The following PRKN variants were observed in gnomAD, a reference collection of about 807,000 sequenced individuals.
The protein encoded by PRKN is parkin RBR E3 ubiquitin protein ligase.
In PRKN, 56 loss-of-function variants were observed where a neutral mutation model predicts 59.5. The observed-to-expected ratio is 0.94, with a 90% CI of 0.76 to 1.18. The LOEUF (loss-of-function observed/expected upper bound fraction) is 1.18, where lower values mean the gene tolerates loss of function less well. Ranked by LOEUF, PRKN falls within the 50% of genes most tolerant of loss-of-function variation. The pLI is 0.00. For synonymous variants in PRKN, 250 were observed against 222.1 expected, an observed-to-expected ratio of 1.13 and a Z score of -1.12; for missense variants, 657 against 596.4, an observed-to-expected ratio of 1.10 and a Z score of -1.06.
chr6:161,863,295 A>C (rs1303069083), intron 6 of PRKN, among the ~76,000 whole-genome samples: 1 of 151,940 alleles, frequency 6.6e-6, no homozygotes, highest in Non-Finnish European at 1.5e-5. Flanking sequence ...TGACTTTGTA[A>C]AAAAGGAAAA....
At chr6:162,237,712 T>C (rs191255104) in intron 3 of PRKN, among the ~76,000 whole-genome samples, 2 of 151,852 alleles carry the variant, frequency 1.3e-5, no homozygotes, top group African/African-American at 4.8e-5. Flanking sequence ...AAAAAGGCAG[T>C]GGGTTTAGGG....
At chr6:161,730,543 T>C (rs1300974966) in intron 7 of PRKN, among the ~76,000 whole-genome samples, 1 of 151,288 alleles carries the variant, frequency 6.6e-6, no homozygotes, top group African/African-American at 2.5e-5. Flanking sequence ...TTCTGATGTG[T>C]TGCATTCTGA....
At chr6:161,585,624 C>T (rs551893353) in intron 7 of PRKN, among the ~76,000 whole-genome samples, 3 of 152,252 alleles carry the variant, frequency 2.0e-5, no homozygotes, top group African/African-American at 7.2e-5. Flanking sequence ...AATTTCTTGT[C>T]CCTGGAGTGG....
At chr6:161,737,607 T>C (rs1441563661) in intron 7 of PRKN, among the ~76,000 whole-genome samples, 1 of 152,202 alleles carries the variant, frequency 6.6e-6, no homozygotes, top group Non-Finnish European at 1.5e-5. Context: ...CCCTTTGAAG[T>C]AGGCTCTGTT....
At chr6:162,500,073 A>AAAGGTGGG (rs1793288185) in intron 1 of PRKN, among the ~76,000 whole-genome samples, 1 of 152,040 alleles carries the variant, frequency 6.6e-6, no homozygotes, top group Non-Finnish European at 1.5e-5. Flanking sequence ...TCATATTAGC[A>AAAGGTGGG]AAGGTGGGTT....
intron 2 of PRKN, among the ~76,000 whole-genome samples, chr6:162,371,111 A>G (rs1785739932): frequency 6.6e-6 from 1 of 152,200 alleles, no homozygotes; most frequent in South Asian, 2.1e-4. Context: ...GGGCAAGATA[A>G]TTATTTGGTA....
chr6:161,981,266 T>C (rs1319835473), intron 5 of PRKN, among the ~76,000 whole-genome samples: 2 of 152,230 alleles, frequency 1.3e-5, no homozygotes, highest in South Asian at 2.1e-4. Flanking sequence ...CAGGCTAGAA[T>C]AGTTCCTCGT....
intron 2 of PRKN, among the ~76,000 whole-genome samples, chr6:162,296,114 G>A (rs1781662585): frequency 6.6e-6 from 1 of 152,088 alleles, no homozygotes; most frequent in Non-Finnish European, 1.5e-5. Flanking sequence ...GAACAAGGAG[G>A]GGAGAGGGAC....
At chr6:161,957,408 T>C (rs1021835929) in intron 6 of PRKN, among the ~76,000 whole-genome samples, 3 of 130,846 alleles carry the variant, frequency 2.3e-5, no homozygotes, top group African/African-American at 3.3e-5. Context: ...TTGTTCTTGT[T>C]GTTTTTTTTT....
At chr6:162,661,060 A>C (rs912170720) in intron 1 of PRKN, among the ~76,000 whole-genome samples, 62 of 152,094 alleles carry the variant, frequency 4.1e-4, no homozygotes, top group Non-Finnish European at 7.4e-5. Flanking sequence ...TCAGGAGTTC[A>C]AGATAAGCCT....
At chr6:161,886,532 A>C (rs756777582) in intron 6 of PRKN, among the ~76,000 whole-genome samples, 3 of 152,062 alleles carry the variant, frequency 2.0e-5, no homozygotes, top group Non-Finnish European at 4.4e-5. Context: ...CCCCGTCTCT[A>C]CTAACAATAC....
At chr6:161,908,266 G>T (rs1043787879) in intron 6 of PRKN, among the ~76,000 whole-genome samples, 1 of 152,160 alleles carries the variant, frequency 6.6e-6, no homozygotes, top group African/African-American at 2.4e-5. Flanking sequence ...GTACATGGAC[G>T]ATACCTAGAG....
At chr6:162,023,500 C>T (rs758282665) in intron 5 of PRKN, among the ~76,000 whole-genome samples, 1 of 152,112 alleles carries the variant, frequency 6.6e-6, no homozygotes, top group Non-Finnish European at 1.5e-5. Flanking sequence ...CAGCCAAACT[C>T]CACGTGGTTC....
intron 1 of PRKN, among the ~76,000 whole-genome samples, chr6:162,450,727 C>G (rs73606345): frequency 0.026 from 3,925 of 152,202 alleles, 179 homozygotes; most frequent in African/African-American, 0.088. Context: ...TCATCCAAAA[C>G]AAGAACAGTC....
intron 9 of PRKN, among the ~76,000 whole-genome samples, chr6:161,494,547 ATC>A (rs2115280770): frequency 6.6e-6 from 1 of 152,306 alleles, no homozygotes; most frequent in South Asian, 2.1e-4. Flanking sequence ...AAGATTTCAA[ATC>A]TGTTTGTGCA....
At position 161,737,674 on chromosome 6, in the gene PRKN, G is replaced by A. The variant is rs571680752; in HGVS notation, c.871+48098C>T. On this transcript the variant is annotated intron_variant, in intron 7 of 11. Coordinates refer to ENST00000366898, the MANE Select transcript of PRKN (RefSeq NM_004562.3). ...AGCCCAGCAAGATTACAGAGCTACT[G>A]AGTGGCAGGGCCTTGGACTGTAAAG... 2.6e-5 allele frequency among the ~76,000 whole-genome samples: 4 copies of A among 152,292 alleles called. No homozygotes were observed. In the South Asian group the frequency reaches 8.3e-4, roughly 32 times the overall value.
chr6:161,360,455 C>A lies in PRKN; in HGVS notation c.1168-250G>T, dbSNP rs1306113203. ...GTTTTGTAGTGTGAGCTCCTCTATT[C>A]TGTTGTTTTGCATAATTGTAATAAA... is the stretch of plus-strand genomic sequence containing the variant. On this transcript the variant is annotated intron_variant, in intron 10 of 11. Transcript: ENST00000366898. This position sits in a 1 kb window ranked among gnomAD's most constrained non-coding sequence, Gnocchi z 5.1. 6.6e-6 allele frequency among the ~76,000 whole-genome samples: 1 copy of A among 152,222 alleles called. No individual in the cohort carries two copies. Among genetic ancestry groups the A allele is most frequent in the African/African-American group, 2.4e-5 (1 of 41,448 alleles).
rs560505549 is a variant in PRKN, at chr6:161,591,315, G to A, written c.872-21899C>T. Among the ~76,000 whole-genome samples, 19 of 151,976 alleles carry A rather than the reference G, an allele frequency of 1.3e-4. No homozygotes were observed. In the South Asian group the frequency reaches 4.0e-3, roughly 32 times the overall value. On this transcript the variant is annotated intron_variant, in intron 7 of 11. Transcript: ENST00000366898. Reference sequence around the variant, plus strand: ...GTTCAAAGAAAAAGACATTTCCTTTGGTAAAAAAAAGTCACTCAGTATCAC... The same window carrying A: ...GTTCAAAGAAAAAGACATTTCCTTTAGTAAAAAAAAGTCACTCAGTATCAC...
chr6:162,479,724 A>G (rs903826172), intron 1 of PRKN, among the ~76,000 whole-genome samples: 2 of 150,792 alleles, frequency 1.3e-5, no homozygotes, highest in East Asian at 3.9e-4. Flanking sequence ...ACACCTGCTG[A>G]AGGACCTGCC....
Sources: allele counts gnomAD v4.1 joint callset (sites outside exome capture counted in the v4.1 genomes callset), GRCh38; gene constraint gnomAD v4.1.1; non-coding constraint Gnocchi (gnomAD v3.1); transcripts MANE v1.5; gene names NCBI Gene and HGNC (gene_info 2026-07-23, HGNC 2026-07-21).